Variants in MAPT observed in about 807,000 individuals in gnomAD.
The protein encoded by MAPT is microtubule-associated protein tau.
MAPT carries 34 observed loss-of-function variants against 67.9 expected under a neutral mutation model. The observed-to-expected ratio is 0.50, with a 90% CI of 0.38 to 0.67. The LOEUF is 0.67. Among genes scored for constraint, MAPT ranks in the 30% least tolerant of loss-of-function variants. The pLI, the probability that MAPT is intolerant of heterozygous loss-of-function variation, is 0.00. For missense variants in MAPT, 881 were observed against 1,115.2 expected (o/e 0.79, Z 2.99); for synonymous variants, 456 against 464.5 (o/e 0.98, Z 0.23).
intron 1 of MAPT, among the ~76,000 whole-genome samples, chr17:45,924,950 T>C (rs1254977657): frequency 6.6e-6 from 1 of 152,166 alleles, no homozygotes; most frequent in African/African-American, 2.4e-5. Flanking sequence ...CTTTGTCTTG[T>C]GGGGAAGGGA....
chr17:45,978,205 C>T, intron 3 of MAPT, 170 bp from the exon 4 acceptor site: 1 of 675,466 alleles, frequency 1.5e-6, no homozygotes, highest in South Asian at 1.6e-5. Flanking sequence ...CACCAGCATC[C>T]TCAGCAATGA....
intron 12 of MAPT, among the ~76,000 whole-genome samples, chr17:46,023,172 A>G (rs1257468506): frequency 6.6e-6 from 1 of 152,180 alleles, no homozygotes; most frequent in African/African-American, 2.4e-5. Flanking sequence ...TATCTATTAA[A>G]ATAAAATGTG....
At chr17:46,022,900 T>C (rs999434362) in intron 12 of MAPT, among the ~76,000 whole-genome samples, 6 of 151,740 alleles carry the variant, frequency 4.0e-5, no homozygotes, top group East Asian at 1.9e-4. Flanking sequence ...AGATGATTGA[T>C]AGATAGATAG....
chr17:45,917,095 T>A (rs561168913), intron 1 of MAPT, among the ~76,000 whole-genome samples: 1 of 152,340 alleles, frequency 6.6e-6, no homozygotes, highest in African/African-American at 2.4e-5. Context: ...TACACATGCG[T>A]CCCCTCAGCA....
chr17:45,979,245 C>T (rs2072704093), intron 4 of MAPT: 1 of 152,142 alleles, frequency 6.6e-6, no homozygotes, highest in Non-Finnish European at 1.5e-5. Context: ...CTAGAGATTC[C>T]TAATTTTAGG....
chr17:45,991,388 G>T, intron 7 of MAPT, 72 bp from the exon 8 acceptor site: 1 of 1,598,270 alleles, frequency 6.3e-7, no homozygotes, highest in Non-Finnish European at 8.6e-7. Context: ...GCGGAGTGGG[G>T]CTGGTGTTGA....
At chr17:45,945,599 G>C (rs144309837) in intron 1 of MAPT, among the ~76,000 whole-genome samples, 5 of 152,276 alleles carry the variant, frequency 3.3e-5, no homozygotes, top group African/African-American at 1.2e-4. Flanking sequence ...GATCACTTGA[G>C]ATCAGGAGTT....
chr17:45,986,998 A>G, intron 5 of MAPT, 42 bp from the exon 6 acceptor site: 2 of 1,574,356 alleles, frequency 1.3e-6, no homozygotes, highest in South Asian at 1.1e-5. Flanking sequence ...GTGAACAGTG[A>G]AAATGGAGTG....
intron 1 of MAPT, among the ~76,000 whole-genome samples, chr17:45,927,018 C>T (rs1568180738): frequency 6.7e-6 from 1 of 150,140 alleles, no homozygotes; most frequent in Non-Finnish European, 1.5e-5. Flanking sequence ...TACACACACA[C>T]ATACATACAT....
rs1262409356 is a variant in MAPT, at chr17:45,946,611, A to AG, written c.-17-15710_-17-15709insG. ...GGGACTCTGTCTTAAAAAAAAAAAA[A>AG]AAAAATATATATATATATATATATA... On this transcript the variant is annotated intron_variant, in intron 1 of 12. Transcript: ENST00000262410. Among the ~76,000 whole-genome samples, 28 of 99,928 alleles carry AG rather than the reference A, an allele frequency of 2.8e-4. No homozygotes were observed. The East Asian group carries it at 5.5e-3, about 20-fold the overall frequency. The allele number at this position is 99,928 out of a possible 152,430, so 65.6% of individuals were successfully genotyped here. A position where few individuals can be genotyped will look rare whatever the true frequency, so the allele number is the denominator to read the frequency against.
intron 1 of MAPT, among the ~76,000 whole-genome samples, chr17:45,908,919 C>G (rs1299412136): frequency 6.6e-6 from 1 of 152,122 alleles, no homozygotes; most frequent in Non-Finnish European, 1.5e-5. Context: ...ATCATTTCAG[C>G]CTATAAATTG....
intron 1 of MAPT, among the ~76,000 whole-genome samples, chr17:45,961,446 G>C (rs926520360): frequency 6.6e-6 from 1 of 152,094 alleles, no homozygotes; most frequent in Non-Finnish European, 1.5e-5. Flanking sequence ...GGTGGGTGCC[G>C]GTGTGGTGAA....
intron 11 of MAPT, among the ~76,000 whole-genome samples, chr17:46,015,488 T>C (rs990459114): frequency 2.0e-5 from 3 of 151,536 alleles, no homozygotes; most frequent in Non-Finnish European, 2.9e-5. Flanking sequence ...TGAAACCCGG[T>C]CTCTACTAAA....
In MAPT at chr17:45,989,869, A is replaced by G; in HGVS notation, c.1408-9A>G. On this transcript the variant is annotated splice_polypyrimidine_tract_variant and intron_variant, in intron 6 of 12. Coordinates refer to ENST00000262410, the MANE Select transcript of MAPT (RefSeq NM_001377265.1). ...TTTTATTTTGATTTTATTTATGTTT[A>G]TGTTTAAGACATCCACACGTTCCTC... 6.2e-7 allele frequency: 1 copy of G among 1,612,660 alleles called. No individual in the cohort carries two copies. The highest frequency in any genetic ancestry group is 8.5e-7 in the Non-Finnish European group (1 of 1,178,804).
chr17:45,962,185 G>T, intron 1 of MAPT, 136 bp from the exon 2 acceptor site: 1 of 703,674 alleles, frequency 1.4e-6, no homozygotes. Context: ...AGGATGGGCG[G>T]CCAACTGTTA....
At chr17:45,920,877 C>T (rs551289673) in intron 1 of MAPT, among the ~76,000 whole-genome samples, 58 of 152,346 alleles carry the variant, frequency 3.8e-4, no homozygotes, top group African/African-American at 1.3e-3. Flanking sequence ...CTTCACCCAC[C>T]TCGCCCCTCA....
At chr17:45,997,454 ATCT>A (rs1480866187) in intron 9 of MAPT, among the ~76,000 whole-genome samples, 2 of 152,208 alleles carry the variant, frequency 1.3e-5, no homozygotes, top group African/African-American at 4.8e-5. Context: ...GCGCATGCTC[ATCT>A]TCTTATAAGA....
Position 45,983,095 on chromosome 17 carries a change from G to A in MAPT, c.516G>A (p.Leu172=). The change falls in exon 5 of 13, where the codon CTG becomes CTA. Residue 172 remains leucine, a synonymous_variant. Transcript: ENST00000262410. ...CAGGAGGCCCTCAGGAGCCCTCCCT[G>A]GAGTGGGGACAAAAAGGCGGGGACT... ...PPTGGPQEPS[L]EWGQKGGDWA... The A allele has an allele frequency of 6.4e-7, 1 of 1,551,652 alleles. No individual in the cohort carries two copies. Among genetic ancestry groups the A allele is most frequent in the Non-Finnish European group, 8.7e-7 (1 of 1,146,368 alleles).
At chr17:45,909,683 C>T (rs911224186) in intron 1 of MAPT, among the ~76,000 whole-genome samples, 1 of 152,052 alleles carries the variant, frequency 6.6e-6, no homozygotes, top group African/African-American at 2.4e-5. Context: ...CCAGCCTGGC[C>T]AACAGGGTGA....
Sources: gnomAD v4.1 joint callset for allele counts (sites outside exome capture counted in the v4.1 genomes callset) on GRCh38, gnomAD v4.1.1 for gene constraint, MANE v1.5 for transcripts, NCBI Gene and HGNC (gene_info 2026-07-23, HGNC 2026-07-21) for gene names.